The following SPRY3 variants were observed in gnomAD, a reference collection of about 807,000 sequenced individuals.
SPRY3 encodes sprouty RTK signaling antagonist 3.
A neutral mutation model predicts 20.2 loss-of-function variants in SPRY3; 15 were observed. The observed-to-expected ratio is 0.74, with a 90% CI of 0.50 to 1.14. SPRY3 has a LOEUF of 1.14. SPRY3 is among the 50% of genes most tolerant of loss of function. The pLI is 0.00. For missense variants in SPRY3, 364 were observed against 363.9 expected (o/e 1.00, Z 0.00); for synonymous variants, 143 against 136.5 (o/e 1.05, Z -0.33).
At chrX:155,636,435 G>A in intron 1 of SPRY3, among the ~76,000 whole-genome samples, 1 of 111,761 alleles carries the variant, frequency 8.9e-6, no homozygotes, top group East Asian at 2.8e-4. Context: ...CTCCCTACCA[G>A]GTAACACAAA....
At chrX:155,734,655 C>A (rs1569390495) in intron 2 of SPRY3, among the ~76,000 whole-genome samples, 3 of 151,718 alleles carry the variant, frequency 2.0e-5, no homozygotes, top group African/African-American at 7.3e-5. Flanking sequence ...AACACACACA[C>A]ACAAACAAAC....
At chrX:155,635,847 G>C (rs993349786) in intron 1 of SPRY3, among the ~76,000 whole-genome samples, 18 of 111,898 alleles carry the variant, frequency 1.6e-4, no homozygotes, top group African/African-American at 5.9e-4. Context: ...AGTGGAAGTG[G>C]CTCCATACCA....
chrX:155,766,627 T>C (rs1329327901), intron 2 of SPRY3, among the ~76,000 whole-genome samples: 8 of 152,176 alleles, frequency 5.3e-5, no homozygotes, highest in Non-Finnish European at 8.8e-5. Flanking sequence ...TCATCCAAGT[T>C]CTTCTGTCTG....
chrX:155,668,711 G>A (rs781839378), intron 2 of SPRY3, among the ~76,000 whole-genome samples: 2 of 109,863 alleles, frequency 1.8e-5, no homozygotes, highest in African/African-American at 6.6e-5. Context: ...CCTCTCCTTG[G>A]GGCCCATATT....
intron 3 of SPRY3, among the ~76,000 whole-genome samples, chrX:155,770,218 G>C (rs1293126615): frequency 6.6e-6 from 1 of 152,154 alleles, no homozygotes; most frequent in Non-Finnish European, 1.5e-5. Flanking sequence ...GTATCGGAAA[G>C]GATTTACCAT....
chrX:155,681,056 A>G (rs909866964), intron 2 of SPRY3, among the ~76,000 whole-genome samples: 7 of 111,281 alleles, frequency 6.3e-5, no homozygotes, highest in Non-Finnish European at 1.1e-4. Flanking sequence ...TATTTAAATT[A>G]ATAATCATAC....
At chrX:155,700,346 T>C (rs2068132655) in intron 2 of SPRY3, among the ~76,000 whole-genome samples, 1 of 109,151 alleles carries the variant, frequency 9.2e-6, no homozygotes, top group African/African-American at 3.4e-5. Context: ...GCAATAGGAA[T>C]GTGAAATGGT....
At chrX:155,712,620 G>T (rs2090994768) in intron 2 of SPRY3, among the ~76,000 whole-genome samples, 1 of 151,922 alleles carries the variant, frequency 6.6e-6, no homozygotes. Context: ...ATTGGGTCTT[G>T]TTTTTTAATT....
intron 1 of SPRY3, among the ~76,000 whole-genome samples, chrX:155,651,552 A>G (rs184701738): frequency 3.6e-4 from 40 of 112,022 alleles, no homozygotes; most frequent in African/African-American, 1.2e-3. Context: ...AATTTTAAAA[A>G]TATGTTCTAG....
intron 2 of SPRY3, chrX:155,767,720 AAGAGGAGGAGGAGGAG>A (rs1277528812): frequency 6.7e-4 from 43 of 64,458 alleles, no homozygotes; most frequent in African/African-American, 2.7e-3. Context: ...GAGGAGGAGA[AAGAGGAGGAGGAGGAG>A]AGAGAGGAGG....
chrX:155,752,527 A>G (rs1391793691), intron 2 of SPRY3, among the ~76,000 whole-genome samples: 2 of 151,522 alleles, frequency 1.3e-5, no homozygotes, highest in African/African-American at 4.8e-5. Context: ...ATATATATAT[A>G]TAACTATTGA....
chrX:155,685,646 T>C (rs1342930886), intron 2 of SPRY3, among the ~76,000 whole-genome samples: 1 of 111,508 alleles, frequency 9.0e-6, no homozygotes. Context: ...TTCCCACTTA[T>C]AAGTGAGAAT....
chrX:155,755,172 G>A (rs1569396391), intron 2 of SPRY3, among the ~76,000 whole-genome samples: 1 of 142,966 alleles, frequency 7.0e-6, no homozygotes, highest in Non-Finnish European at 1.5e-5. Context: ...CTAAATCTCA[G>A]AATTCTTAGT....
chrX:155,750,748 T>C (rs942380090), intron 2 of SPRY3, among the ~76,000 whole-genome samples: 2 of 151,786 alleles, frequency 1.3e-5, no homozygotes, highest in Admixed American at 6.6e-5. Context: ...TGGTATAAAA[T>C]AGACGGCTGG....
intron 2 of SPRY3, among the ~76,000 whole-genome samples, chrX:155,745,939 C>T (rs2091223661): frequency 6.6e-6 from 1 of 151,940 alleles, no homozygotes; most frequent in Admixed American, 6.6e-5. Context: ...TAAGAGCGAG[C>T]GTTACACTTG....
chrX:155,648,066 CT>C (rs200730085), intron 1 of SPRY3, among the ~76,000 whole-genome samples: 2 of 112,233 alleles, frequency 1.8e-5, no homozygotes, highest in African/African-American at 6.5e-5. Context: ...TGATGATGAG[CT>C]TTTTTTATAT....
intron 2 of SPRY3, among the ~76,000 whole-genome samples, chrX:155,697,102 A>C (rs1333532917): frequency 9.0e-6 from 1 of 111,161 alleles, no homozygotes; most frequent in Non-Finnish European, 1.9e-5. Flanking sequence ...TGGGCCATGG[A>C]ATGCACAGAC....
intron 2 of SPRY3, among the ~76,000 whole-genome samples, chrX:155,717,680 G>C (rs2091032083): frequency 2.0e-5 from 3 of 151,976 alleles, no homozygotes; most frequent in Non-Finnish European, 4.4e-5. Context: ...TCCTGTGTCA[G>C]TTTACTGAGA....
chrX:155,781,843 C>G (rs1390831859), exon 2 of SPRY3: 1 of 163,816 alleles, frequency 6.1e-6, no homozygotes, highest in African/African-American at 2.5e-5. Flanking sequence ...TAGCATGTAA[C>G]AAGATTGAAC....
Sources: gnomAD v4.1 joint callset for allele counts (sites outside exome capture counted in the v4.1 genomes callset) on GRCh38, gnomAD v4.1.1 for gene constraint, MANE v1.5 for transcripts, NCBI Gene and HGNC (gene_info 2026-07-23, HGNC 2026-07-21) for gene names.